The following CDH2 variants were observed in gnomAD, a reference collection of about 807,000 sequenced individuals.
The protein encoded by CDH2 is cadherin 2, also known as cadherin-2.
Under a neutral mutation model 92.0 loss-of-function variants are expected in CDH2, and 17 were observed. The observed-to-expected ratio is 0.18, with a 90% CI of 0.13 to 0.28. The LOEUF (loss-of-function observed/expected upper bound fraction) is 0.28. CDH2 is among the 10% of genes least tolerant of loss of function. The pLI is 1.00. For missense variants in CDH2, 862 were observed against 1,133.1 expected (o/e 0.76, Z 3.44); for synonymous variants, 419 against 415.9 (o/e 1.01, Z -0.09).
chr18:27,995,484 T>C (rs1431786206), intron 7 of CDH2, among the ~76,000 whole-genome samples: 4 of 152,158 alleles, frequency 2.6e-5, no homozygotes, highest in Non-Finnish European at 5.9e-5. Context: ...TAAAAACTTT[T>C]ATGACTTTTG....
intron 2 of CDH2, among the ~76,000 whole-genome samples, chr18:28,092,593 C>T (rs1028823754): frequency 6.6e-6 from 1 of 151,264 alleles, no homozygotes; most frequent in Non-Finnish European, 1.5e-5. Flanking sequence ...GTAAAAGCCC[C>T]ATAAAAACTC....
intron 2 of CDH2, among the ~76,000 whole-genome samples, chr18:28,024,438 T>C (rs1264298785): frequency 6.7e-6 from 1 of 149,828 alleles, no homozygotes; most frequent in Non-Finnish European, 1.5e-5. Flanking sequence ...TAATATAAAG[T>C]ATATATATAA....
At chr18:28,081,946 C>T (rs1291518510) in intron 2 of CDH2, among the ~76,000 whole-genome samples, 1 of 152,122 alleles carries the variant, frequency 6.6e-6, no homozygotes, top group Admixed American at 6.6e-5. Context: ...GCATTTTCCT[C>T]GTCATCTTTT....
At chr18:28,074,251 T>C (rs903027804) in intron 2 of CDH2, among the ~76,000 whole-genome samples, 1 of 152,096 alleles carries the variant, frequency 6.6e-6, no homozygotes, top group Non-Finnish European at 1.5e-5. Context: ...CTCAGCTAGT[T>C]TGAATAAGGA....
intron 1 of CDH2, 84 bp downstream of exon 1, chr18:28,176,879 C>T (rs2016552819): frequency 1.3e-6 from 1 of 765,214 alleles, no homozygotes; most frequent in Non-Finnish European, 1.7e-6. Context: ...GCAGCCCGGC[C>T]CCGCAGCGGC....
At chr18:28,026,302 A>G (rs2013551815) in intron 2 of CDH2, among the ~76,000 whole-genome samples, 1 of 152,094 alleles carries the variant, frequency 6.6e-6, no homozygotes, top group Non-Finnish European at 1.5e-5. Flanking sequence ...TTTTCCCACT[A>G]TTGTCCTTTT....
intron 14 of CDH2, among the ~76,000 whole-genome samples, chr18:27,978,142 C>T (rs944463709): frequency 1.3e-5 from 2 of 152,128 alleles, no homozygotes; most frequent in Non-Finnish European, 2.9e-5. Context: ...AAAGTAAGAA[C>T]ATCTATTTAG....
At chr18:27,955,761 G>GTTTTTTTTTTTTTGTTTTTTTTTTTTTT (rs2011230346) in intron 15 of CDH2, among the ~76,000 whole-genome samples, 1 of 111,716 alleles carries the variant, frequency 9.0e-6, no homozygotes, top group Non-Finnish European at 1.8e-5. Context: ...CTTTATTTCT[G>GTTTTTTTTTTTTTGTTTTTTTTTTTTTT]TTTTTTTTTT....
intron 2 of CDH2, among the ~76,000 whole-genome samples, chr18:28,015,069 C>T (rs1422446059): frequency 6.6e-6 from 1 of 151,990 alleles, no homozygotes; most frequent in Non-Finnish European, 1.5e-5. Flanking sequence ...TCAAATACAC[C>T]TTGTGCATTT....
intron 2 of CDH2, among the ~76,000 whole-genome samples, chr18:28,079,482 C>T (rs906608288): frequency 6.6e-6 from 1 of 152,164 alleles, no homozygotes; most frequent in Non-Finnish European, 1.5e-5. Context: ...AGTGTCTTCC[C>T]TTGATGCAAA....
At chr18:27,949,829 T>C (rs1909367292), downstream of CDH2, among the ~76,000 whole-genome samples, 2 of 151,830 alleles carry the variant, frequency 1.3e-5, no homozygotes, top group African/African-American at 4.8e-5. Context: ...AAAATTAATA[T>C]TTATATTTAT....
chr18:28,121,257 C>A (rs2015583957), intron 2 of CDH2, among the ~76,000 whole-genome samples: 1 of 152,086 alleles, frequency 6.6e-6, no homozygotes, highest in Non-Finnish European at 1.5e-5. Flanking sequence ...TGATTGTTTT[C>A]TTAAAGGAAC....
In CDH2 at chr18:28,133,219, A is replaced by T. The variant is rs2015801747; in HGVS notation, c.172+14454T>A. On this transcript the variant is annotated intron_variant, in intron 2 of 15. Coordinates refer to ENST00000269141, the MANE Select transcript of CDH2 (RefSeq NM_001792.5). ...AGTAAATCACTTTAAAACTGTTTAC[A>T]TCTGAATTTCCATATCTGTAACACA... Among the ~76,000 whole-genome samples, 3 of 152,332 alleles carry T rather than the reference A, an allele frequency of 2.0e-5. No individual in the cohort carries two copies. In the South Asian group the frequency reaches 6.2e-4, roughly 32 times the overall value.
chr18:28,051,008 A>G (rs1468536734), intron 2 of CDH2, among the ~76,000 whole-genome samples: 2 of 152,236 alleles, frequency 1.3e-5, no homozygotes, highest in Non-Finnish European at 2.9e-5. Flanking sequence ...AATCCATGTT[A>G]CCAACTGAAA....
chr18:28,089,714 C>A (rs1032172360), intron 2 of CDH2, among the ~76,000 whole-genome samples: 1 of 152,040 alleles, frequency 6.6e-6, no homozygotes, highest in Non-Finnish European at 1.5e-5. Context: ...TTTCTTAAAA[C>A]AAGATTAAAG....
intron 1 of CDH2, among the ~76,000 whole-genome samples, chr18:28,154,354 T>C (rs1325152183): frequency 1.3e-5 from 2 of 152,142 alleles, no homozygotes. Flanking sequence ...CAGCGTGAAA[T>C]TCACGCTGGT....
At chr18:27,934,854 A>C (rs552985191) in intron 6 of CDH2, among the ~76,000 whole-genome samples, 2 of 152,244 alleles carry the variant, frequency 1.3e-5, no homozygotes, top group South Asian at 4.2e-4. Flanking sequence ...TCAATTGATG[A>C]TATCTTTCCT....
chr18:27,966,726 C>CT (rs1253578763), intron 14 of CDH2, among the ~76,000 whole-genome samples: 3 of 152,202 alleles, frequency 2.0e-5, no homozygotes, highest in African/African-American at 7.2e-5. Flanking sequence ...AACATACTTA[C>CT]ATAATAGCAA....
downstream of CDH2, among the ~76,000 whole-genome samples, chr18:27,950,091 T>C (rs1189206346): frequency 6.6e-6 from 1 of 152,098 alleles, no homozygotes; most frequent in Non-Finnish European, 1.5e-5. Context: ...AAAAGTTTCA[T>C]TATGGAAATT....
Sources: gnomAD v4.1 joint callset for allele counts (sites outside exome capture counted in the v4.1 genomes callset) on GRCh38, gnomAD v4.1.1 for gene constraint, MANE v1.5 for transcripts, NCBI Gene and HGNC (gene_info 2026-07-23, HGNC 2026-07-21) for gene names.